The following PKM variants were observed in gnomAD, a reference collection of about 807,000 sequenced individuals.
PKM encodes pyruvate kinase PKM.
A neutral mutation model predicts 49.8 loss-of-function variants in PKM; 18 were observed. The observed-to-expected ratio is 0.36, with a 90% CI of 0.25 to 0.54. PKM has a LOEUF of 0.54. Among genes scored for constraint, PKM ranks in the 20% least tolerant of loss-of-function variants. The pLI, the probability that PKM is intolerant of heterozygous loss-of-function variation, is 0.89. For synonymous variants in PKM, 239 were observed against 261.8 expected, an observed-to-expected ratio of 0.91 and a Z score of 0.84; for missense variants, 508 against 713.8, an observed-to-expected ratio of 0.71 and a Z score of 3.28.
chr15:72,205,832 A>T (rs1398115234), intron 8 of PKM, among the ~76,000 whole-genome samples: 1 of 151,926 alleles, frequency 6.6e-6, no homozygotes, highest in East Asian at 1.9e-4. Context: ...AATTTCCAGC[A>T]CTCATTTTAC....
intron 5 of PKM, 54 bp downstream of exon 5, chr15:72,209,619 A>G: frequency 6.6e-7 from 1 of 1,506,360 alleles, no homozygotes; most frequent in Non-Finnish European, 9.2e-7. Context: ...GTGTCAAGGA[A>G]GTTTAGAGAC....
At chr15:72,214,669 C>G (rs1051714366) in intron 3 of PKM, among the ~76,000 whole-genome samples, 4 of 152,074 alleles carry the variant, frequency 2.6e-5, no homozygotes, top group Non-Finnish European at 4.4e-5. Flanking sequence ...GTGGCAGGTG[C>G]CTGTAATCTC....
intron 8 of PKM, chr15:72,204,356 C>G (rs1340060202): frequency 6.6e-6 from 1 of 152,250 alleles, no homozygotes; most frequent in Non-Finnish European, 1.5e-5. Context: ...CCATGCAATC[C>G]AAACCTTGCA....
rs984416866 is a variant in PKM, at chr15:72,207,186, G to A, written c.928C>T (p.Gln310Ter). 2 of 1,613,976 alleles carry A rather than the reference G, an allele frequency of 1.2e-6. No individual in the cohort carries two copies. Among genetic ancestry groups the A allele is most frequent in the African/African-American group, 2.7e-5 (2 of 74,910 alleles). ...EIPAEKVFLA[Q>*]KMMIGRCNRA... is the part of the protein sequence containing the mutation. ...TTGCACCGTCCAATCATCATCTTCT[G>A]AGCAAGGAAGACCTTCTCTGCAGGA... The change falls in exon 7 of 11, where the codon CAG becomes TAG. Residue 310 changes from glutamine to a stop codon, truncating the protein, a stop_gained. Coordinates refer to ENST00000335181, the MANE Select transcript of PKM (RefSeq NM_002654.6). LOFTEE classifies it high-confidence loss of function.
In PKM at chr15:72,202,749, C is replaced by G. The variant is rs2081976366; in HGVS notation, c.1141-129G>C. 1.2e-6 allele frequency: 1 copy of G among 815,050 alleles called. No homozygotes were observed. Among genetic ancestry groups the G allele is most frequent in the Non-Finnish European group, 2.0e-6 (1 of 497,982 alleles). 50.5% of individuals were successfully genotyped at this position (815,050 alleles called of 1,614,324 possible). A position where few individuals can be genotyped will look rare whatever the true frequency, so the allele number is the denominator to read the frequency against. ...AGGAACATGTTCCTGGGAACAAAGGCCAAGAGGAGCCCAATCACTGGAGAT... is the reference window on the plus strand; with the variant it reads ...AGGAACATGTTCCTGGGAACAAAGGGCAAGAGGAGCCCAATCACTGGAGAT... On this transcript the variant is annotated intron_variant, in intron 8 of 10. Transcript: ENST00000335181. The surrounding 1 kb of genome is among the most constrained non-coding windows in gnomAD (Gnocchi z 4.5).
chr15:72,225,027 T>C (rs2082628689), intron 1 of PKM, among the ~76,000 whole-genome samples: 1 of 148,564 alleles, frequency 6.7e-6, no homozygotes, highest in Non-Finnish European at 1.5e-5. Flanking sequence ...GTTCAGGCCA[T>C]TCTCCTGCCT....
chr15:72,206,662 C>T (rs758778351), intron 8 of PKM, 66 bp downstream of exon 8: 4 of 1,511,212 alleles, frequency 2.6e-6, no homozygotes, highest in Non-Finnish European at 3.7e-6. Flanking sequence ...AGCTCTGCAC[C>T]AGAGCTTGCA....
intron 1 of PKM, among the ~76,000 whole-genome samples, chr15:72,221,436 T>C (rs1047523354): frequency 6.6e-6 from 1 of 152,186 alleles, no homozygotes; most frequent in African/African-American, 2.4e-5. Flanking sequence ...CATTCCACTA[T>C]TCTATACAAG....
In PKM at chr15:72,213,556, G is replaced by A. The variant is rs8192406; in HGVS notation, c.247-3078C>T. On this transcript the variant is annotated intron_variant, in intron 3 of 10. Coordinates refer to ENST00000335181, the MANE Select transcript of PKM (RefSeq NM_002654.6). ...AGCGATTCTCCTGCCTCAGGCTCCC[G>A]AGTAGCTGGGACTGCAGGCATGTGC... 1.2e-3 allele frequency among the ~76,000 whole-genome samples: 188 copies of A among 152,254 alleles called. 3 individuals are homozygous for A. In the East Asian group the frequency reaches 0.028, roughly 23 times the overall value.
chr15:72,214,022 T>C (rs1291723925), intron 3 of PKM, among the ~76,000 whole-genome samples: 3 of 152,246 alleles, frequency 2.0e-5, no homozygotes, highest in Non-Finnish European at 4.4e-5. Flanking sequence ...TTTCATTTCA[T>C]TGAGCTATAA....
chr15:72,224,997 C>T (rs2140796406), intron 1 of PKM, among the ~76,000 whole-genome samples: 1 of 145,958 alleles, frequency 6.9e-6, no homozygotes, highest in South Asian at 2.2e-4. Flanking sequence ...TCTCAGCTCA[C>T]TGCAAGCTCC....
chr15:72,220,339 T>C (rs1318020553), intron 1 of PKM, among the ~76,000 whole-genome samples: 2 of 150,900 alleles, frequency 1.3e-5, no homozygotes, highest in African/African-American at 2.4e-5. Context: ...ATCTCACACA[T>C]ATGACCCTTA....
intron 1 of PKM, among the ~76,000 whole-genome samples, chr15:72,224,395 G>A (rs2082605274): frequency 6.6e-6 from 1 of 152,160 alleles, no homozygotes; most frequent in Non-Finnish European, 1.5e-5. Context: ...GGGCTGCCCT[G>A]CATTCTAGTC....
At chr15:72,231,051 T>C in intron 1 of PKM, 65 bp downstream of exon 1, 1 of 895,402 alleles carries the variant, frequency 1.1e-6, no homozygotes, top group African/African-American at 1.7e-5. Flanking sequence ...CGCGCCGGGA[T>C]TCCGCACTAG....
At chr15:72,201,641 A>G (rs565907918) in intron 9 of PKM, 2 of 152,434 alleles carry the variant, frequency 1.3e-5, no homozygotes, top group East Asian at 1.9e-4. Flanking sequence ...AGAAAGGTCA[A>G]CCCTACGGGT....
In PKM at chr15:72,202,663, A is replaced by T. The variant is rs369625032; in HGVS notation, c.1141-43T>A. On this transcript the variant is annotated intron_variant, in intron 8 of 10. Transcript: ENST00000335181. The surrounding 1 kb of genome is among the most constrained non-coding windows in gnomAD (Gnocchi z 4.5). Reference sequence around the variant, plus strand: ...GTCCAGAGGGACGAGAGGGGGACAGAGCTTTGTCAGAGCTTTGTCACAAAA... The same window carrying T: ...GTCCAGAGGGACGAGAGGGGGACAGTGCTTTGTCAGAGCTTTGTCACAAAA... The T allele has an allele frequency of 1.6e-4, 242 of 1,549,266 alleles. 1 individual carries two copies. The highest frequency in any genetic ancestry group is 1.5e-3 in the Middle Eastern group (9 of 5,944).
At position 72,199,224 on chromosome 15, in the gene PKM, G is replaced by A. The variant is rs533829630; in HGVS notation, c.*426C>T. ...GCAAGTAAGGGCCAGGGCCAGAGTC[G>A]GCTTCAATGGAACAACAGCCCAGTG... On this transcript the variant is annotated 3_prime_UTR_variant, in exon 11 of 11. Coordinates refer to ENST00000335181, the MANE Select transcript of PKM (RefSeq NM_002654.6). The A allele has an allele frequency of 1.1e-4, 40 of 361,246 alleles. No homozygotes were observed. The highest frequency in any genetic ancestry group is 1.8e-4 in the Non-Finnish European group (33 of 183,484). The allele number at this position is 361,246 out of a possible 1,614,324, so 22.4% of individuals were successfully genotyped here.
At position 72,202,340 on chromosome 15, in the gene PKM, G is replaced by A; in HGVS notation, c.1307+114C>T. 9.2e-7 allele frequency: 1 copy of A among 1,087,538 alleles called. No homozygotes were observed. 67.4% of individuals were successfully genotyped at this position (1,087,538 alleles called of 1,614,324 possible). A position where few individuals can be genotyped will look rare whatever the true frequency, so the allele number is the denominator to read the frequency against. ...TGCAGGCCCAAGGTGGCAGGCAGAGGGGTCTTACCTTGGCTCAGTGCCACC... is the reference window on the plus strand; with the variant it reads ...TGCAGGCCCAAGGTGGCAGGCAGAGAGGTCTTACCTTGGCTCAGTGCCACC... On this transcript the variant is annotated intron_variant, in intron 9 of 10. Coordinates refer to ENST00000335181, the MANE Select transcript of PKM (RefSeq NM_002654.6). The surrounding 1 kb of genome is among the most constrained non-coding windows in gnomAD (Gnocchi z 4.5).
intron 1 of PKM, among the ~76,000 whole-genome samples, chr15:72,226,856 C>T (rs1417645598): frequency 6.6e-6 from 1 of 152,240 alleles, no homozygotes; most frequent in African/African-American, 2.4e-5. Flanking sequence ...GAAGGTACTG[C>T]AGCCGGCTTG....
Sources: allele counts gnomAD v4.1 joint callset (sites outside exome capture counted in the v4.1 genomes callset), GRCh38; gene constraint gnomAD v4.1.1; non-coding constraint Gnocchi (gnomAD v3.1); transcripts MANE v1.5; gene names NCBI Gene and HGNC (gene_info 2026-07-23, HGNC 2026-07-21).